Variants in DOK6 observed in about 807,000 individuals in gnomAD.
The protein encoded by DOK6 is docking protein 6.
Under a neutral mutation model 44.0 loss-of-function variants are expected in DOK6, and 22 were observed. The observed-to-expected ratio is 0.50, with a 90% CI of 0.36 to 0.71. The LOEUF (loss-of-function observed/expected upper bound fraction) is 0.71. DOK6 is among the 30% of genes least tolerant of loss of function. DOK6 has a pLI of 0.00. For synonymous variants in DOK6, 166 were observed against 145.5 expected (o/e 1.14, Z -1.01); for missense variants, 340 against 416.4 (o/e 0.82, Z 1.60).
intron 3 of DOK6, chr18:69,618,567 T>G (rs543878409): frequency 6.5e-6 from 1 of 154,896 alleles, no homozygotes; most frequent in African/African-American, 2.4e-5. Flanking sequence ...TGGAGAGGCC[T>G]CAAAATCATG....
chr18:69,450,354 T>G (rs1478976415), intron 1 of DOK6, among the ~76,000 whole-genome samples: 1 of 55,788 alleles, frequency 1.8e-5, no homozygotes, highest in Non-Finnish European at 3.5e-5. Flanking sequence ...AAGGGAAGTT[T>G]AGAGAAAAAA....
At position 69,672,064 on chromosome 18, in the gene DOK6, A is replaced by C. The variant is rs115876405; in HGVS notation, c.290-5670A>C. Among the ~76,000 whole-genome samples, 361 of 152,354 alleles carry C rather than the reference A, an allele frequency of 2.4e-3. 1 individual carries two copies. Among genetic ancestry groups the C allele is most frequent in the African/African-American group, 8.4e-3 (351 of 41,574 alleles). On this transcript the variant is annotated intron_variant, in intron 3 of 7. Transcript: ENST00000382713. ...TATGGAAATGTAGAGGAAAGGTGTC[A>C]CATCTAAACATGGGTCTGAAGAGCT...
chr18:69,630,117 T>C (rs1281166370), intron 3 of DOK6, among the ~76,000 whole-genome samples: 2 of 151,974 alleles, frequency 1.3e-5, no homozygotes, highest in Admixed American at 1.3e-4. Flanking sequence ...TTGATGGTAG[T>C]TTTTTTTAAC....
At chr18:69,658,368 A>G (rs538117061) in intron 3 of DOK6, among the ~76,000 whole-genome samples, 22 of 152,234 alleles carry the variant, frequency 1.4e-4, no homozygotes, top group South Asian at 1.0e-3. Flanking sequence ...AATAGTGTCT[A>G]TTTCTTGTTG....
chr18:69,668,007 T>C (rs1439208918), intron 3 of DOK6, among the ~76,000 whole-genome samples: 1 of 152,236 alleles, frequency 6.6e-6, no homozygotes, highest in Non-Finnish European at 1.5e-5. Context: ...GTTATTTTCC[T>C]CTAAATCTGC....
intron 2 of DOK6, among the ~76,000 whole-genome samples, chr18:69,573,360 A>C (rs915154164): frequency 6.6e-6 from 1 of 151,912 alleles, no homozygotes; most frequent in African/African-American, 2.4e-5. Flanking sequence ...TTTAAATTAA[A>C]GCTCCCTGAA....
chr18:69,558,655 G>T (rs1171787145), intron 1 of DOK6, among the ~76,000 whole-genome samples: 1 of 151,926 alleles, frequency 6.6e-6, no homozygotes, highest in Non-Finnish European at 1.5e-5. Context: ...AGAAATGAAG[G>T]ACATTGTACA....
At chr18:69,487,509 A>G (rs951324584) in intron 1 of DOK6, among the ~76,000 whole-genome samples, 1 of 152,050 alleles carries the variant, frequency 6.6e-6, no homozygotes, top group African/African-American at 2.4e-5. Flanking sequence ...ATGTGAGTGG[A>G]TTATCCTTTT....
chr18:69,651,758 A>T (rs567868580), intron 3 of DOK6, among the ~76,000 whole-genome samples: 1 of 152,040 alleles, frequency 6.6e-6, no homozygotes, highest in South Asian at 2.1e-4. Context: ...AAGTGTTGAG[A>T]TTACAGGTGT....
At chr18:69,629,242 G>A (rs1599230653) in intron 3 of DOK6, among the ~76,000 whole-genome samples, 1 of 152,332 alleles carries the variant, frequency 6.6e-6, no homozygotes, top group South Asian at 2.1e-4. Context: ...CAATCCAGAA[G>A]ACTGTTGTGA....
intron 7 of DOK6, among the ~76,000 whole-genome samples, chr18:69,814,295 C>A: frequency 6.6e-6 from 1 of 152,106 alleles, no homozygotes; most frequent in East Asian, 1.9e-4. Flanking sequence ...GCAGTGCAAC[C>A]AAAGTGTATG....
intron 1 of DOK6, among the ~76,000 whole-genome samples, chr18:69,520,223 T>A (rs1981647538): frequency 6.6e-6 from 1 of 151,794 alleles, no homozygotes; most frequent in Non-Finnish European, 1.5e-5. Flanking sequence ...TAAAAAATAA[T>A]GCTTTTTAAA....
rs146903674 is a variant in DOK6, at chr18:69,704,759, G to A, written c.599+6166G>A. Among the ~76,000 whole-genome samples, 579 of 152,264 alleles carry A rather than the reference G, an allele frequency of 3.8e-3. 4 individuals are homozygous for A. Among genetic ancestry groups the A allele is most frequent in the African/African-American group, 0.013 (533 of 41,554 alleles). ...CTCCCAAAGTGCTGGGATTACAGGC[G>A]TGAGCCACCATGCTAGGCCGATATG... On this transcript the variant is annotated intron_variant, in intron 5 of 7. Transcript: ENST00000382713.
intron 7 of DOK6, among the ~76,000 whole-genome samples, chr18:69,797,177 C>A (rs570747398): frequency 6.6e-6 from 1 of 152,040 alleles, no homozygotes; most frequent in Non-Finnish European, 1.5e-5. Context: ...TCTCACCAAC[C>A]GAAAGGAAGA....
intron 6 of DOK6, among the ~76,000 whole-genome samples, chr18:69,754,032 T>C (rs1979273349): frequency 6.6e-6 from 1 of 152,206 alleles, no homozygotes; most frequent in Admixed American, 6.5e-5. Flanking sequence ...ACTTTTATGG[T>C]CCTAAAAATC....
chr18:69,543,525 T>G (rs528302092), intron 1 of DOK6, among the ~76,000 whole-genome samples: 1 of 151,752 alleles, frequency 6.6e-6, no homozygotes, highest in South Asian at 2.1e-4. Context: ...TTCTCATTCT[T>G]GAAGAAAGCC....
chr18:69,692,164 C>T (rs930629104), intron 4 of DOK6, among the ~76,000 whole-genome samples: 11 of 152,270 alleles, frequency 7.2e-5, no homozygotes, highest in Middle Eastern at 3.4e-3. Context: ...CTATCTTTCT[C>T]ATTCTCATTG....
At chr18:69,782,368 T>C (rs528764825) in intron 7 of DOK6, among the ~76,000 whole-genome samples, 4 of 151,956 alleles carry the variant, frequency 2.6e-5, no homozygotes, top group East Asian at 1.9e-4. Flanking sequence ...CCTGCCACCA[T>C]GCCCGGCTAA....
intron 1 of DOK6, among the ~76,000 whole-genome samples, chr18:69,514,570 A>G (rs1030085088): frequency 2.6e-5 from 4 of 152,296 alleles, no homozygotes; most frequent in South Asian, 2.1e-4. Flanking sequence ...TATAATTCAT[A>G]TAGACAGTTC....
Sources: allele counts gnomAD v4.1 joint callset (sites outside exome capture counted in the v4.1 genomes callset), GRCh38; gene constraint gnomAD v4.1.1; transcripts MANE v1.5; gene names NCBI Gene and HGNC (gene_info 2026-07-23, HGNC 2026-07-21).